The following LRRC8B variants were observed in gnomAD, a reference collection of about 807,000 sequenced individuals.
The protein encoded by LRRC8B is volume-regulated anion channel subunit LRRC8B.
Under a neutral mutation model 58.8 loss-of-function variants are expected in LRRC8B, and 23 were observed. The observed-to-expected ratio is 0.39, with a 90% CI of 0.28 to 0.55. The LOEUF (loss-of-function observed/expected upper bound fraction) is 0.55. Ranked by LOEUF, LRRC8B falls within the 20% of genes least tolerant of loss-of-function variation. The pLI, the probability that LRRC8B is intolerant of heterozygous loss-of-function variation, is 0.62. For missense variants in LRRC8B, 694 were observed against 936.0 expected, an observed-to-expected ratio of 0.74 and a Z score of 3.37; for synonymous variants, 359 against 374.1, an observed-to-expected ratio of 0.96 and a Z score of 0.47.
rs1228663327 is a variant in LRRC8B at position 89,584,465 on chromosome 1, C to T, written c.1815C>T (p.Phe605=). ...CDLERIPHSI[F]SLNNLHELDL... ...TGGAACGCATCCCACATTCCATTTT[C>T]AGCCTGAATAATTTGCATGAGTTAG... Residue 605 remains phenylalanine (F), a synonymous_variant, in exon 5 of 6, where the codon TTC becomes TTT. Coordinates refer to ENST00000330947, the MANE Select transcript of LRRC8B (RefSeq NM_001369817.2). The T allele has an allele frequency of 6.2e-7, 1 of 1,614,066 alleles. No homozygotes were observed. The highest frequency in any genetic ancestry group is 1.3e-5 in the African/African-American group (1 of 74,922).
chr1:89,535,717 A>T (rs1264278105), intron 1 of LRRC8B, among the ~76,000 whole-genome samples: 1 of 152,214 alleles, frequency 6.6e-6, no homozygotes, highest in Non-Finnish European at 1.5e-5. Context: ...TTAGTTAAAG[A>T]TAACCAGCCG....
chr1:89,591,755 T>C (rs1654989583), intron 5 of LRRC8B, among the ~76,000 whole-genome samples: 1 of 152,208 alleles, frequency 6.6e-6, no homozygotes. Flanking sequence ...CGTCAGAGGA[T>C]ATAGGCCAAG....
intron 1 of LRRC8B, among the ~76,000 whole-genome samples, chr1:89,554,347 A>C (rs1324732966): frequency 6.6e-6 from 1 of 152,074 alleles, no homozygotes; most frequent in African/African-American, 2.4e-5. Context: ...AATCTTACGC[A>C]TCTTTCTTGG....
chr1:89,573,472 G>A (rs1048834477), intron 3 of LRRC8B, among the ~76,000 whole-genome samples: 6 of 151,822 alleles, frequency 4.0e-5, no homozygotes, highest in African/African-American at 1.5e-4. Flanking sequence ...GATGACTAGG[G>A]TGATTTTCCT....
intron 5 of LRRC8B, among the ~76,000 whole-genome samples, chr1:89,587,718 C>G (rs2101087272): frequency 6.6e-6 from 1 of 152,266 alleles, no homozygotes; most frequent in Non-Finnish European, 1.5e-5. Flanking sequence ...TCAACAAATA[C>G]TACCTCTTAA....
intron 1 of LRRC8B, among the ~76,000 whole-genome samples, chr1:89,531,873 G>C (rs1650160200): frequency 6.6e-6 from 1 of 152,150 alleles, no homozygotes; most frequent in African/African-American, 2.4e-5. Context: ...TGGTGGTCAG[G>C]TTCGCAGGCA....
rs780430821 is a variant in LRRC8B at position 89,584,654 on chromosome 1, T to A, written c.2004T>A (p.Ile668=). 6.2e-7 allele frequency: 1 copy of A among 1,614,052 alleles called. No individual in the cohort carries two copies. Among genetic ancestry groups the A allele is most frequent in the South Asian group, 1.1e-5 (1 of 91,084 alleles). Residue 668 remains isoleucine (I), a synonymous_variant, in exon 5 of 6, where the codon ATT becomes ATA. Coordinates refer to ENST00000330947, the MANE Select transcript of LRRC8B (RefSeq NM_001369817.2). ...AGCTCTCTTTGGACCATAATAATAT[T>A]GAGAATCTGCCCTTGCAGCTTTTCC... The part of the protein sequence containing the change: ...LEQLSLDHNN[I]ENLPLQLFLC...
intron 3 of LRRC8B, among the ~76,000 whole-genome samples, chr1:89,571,721 A>C (rs967872439): frequency 1.3e-5 from 2 of 151,928 alleles, no homozygotes; most frequent in Non-Finnish European, 2.9e-5. Context: ...CTTCAATACT[A>C]TGTTGAACAG....
chr1:89,570,088 A>G (rs1653339538), intron 3 of LRRC8B, among the ~76,000 whole-genome samples: 1 of 152,128 alleles, frequency 6.6e-6, no homozygotes, highest in East Asian at 1.9e-4. Context: ...TCCATGGTGT[A>G]TATGTACCAC....
rs1655130675 is a variant in LRRC8B at position 89,593,580 on chromosome 1, A to G, written c.*537A>G. 6.6e-6 allele frequency: 1 copy of G among 152,552 alleles called. No homozygotes were observed. The highest frequency in any genetic ancestry group is 6.5e-5 in the Admixed American group (1 of 15,336). 9.4% of individuals were successfully genotyped at this position (152,552 alleles called of 1,614,324 possible). A position where few individuals can be genotyped will look rare whatever the true frequency, so the allele number is the denominator to read the frequency against. On this transcript the variant is annotated 3_prime_UTR_variant, in exon 6 of 6. Coordinates refer to ENST00000330947, the MANE Select transcript of LRRC8B (RefSeq NM_001369817.2). ...TGAATAACTGTTCTTTAACTTATTG[A>G]GATGTTGCAAGAAATGCACATCCAG...
intron 1 of LRRC8B, among the ~76,000 whole-genome samples, chr1:89,551,340 A>T (rs1415335396): frequency 6.6e-6 from 1 of 151,990 alleles, no homozygotes; most frequent in Non-Finnish European, 1.5e-5. Flanking sequence ...TCAGCAGCTA[A>T]TTTTTTTTCT....
At chr1:89,575,385 C>A (rs542727080) in intron 3 of LRRC8B, among the ~76,000 whole-genome samples, 2 of 152,260 alleles carry the variant, frequency 1.3e-5, no homozygotes, top group East Asian at 3.9e-4. Flanking sequence ...ACTCGAAGAG[C>A]CACATGGAGT....
chr1:89,539,515 TCTTTTA>T (rs1363903190), intron 1 of LRRC8B, among the ~76,000 whole-genome samples: 1 of 152,206 alleles, frequency 6.6e-6, no homozygotes, highest in Non-Finnish European at 1.5e-5. Context: ...ATTCCCATCG[TCTTTTA>T]CTTTATCAGT....
intron 1 of LRRC8B, among the ~76,000 whole-genome samples, chr1:89,539,414 C>T (rs184860822): frequency 2.0e-5 from 3 of 152,274 alleles, no homozygotes; most frequent in African/African-American, 4.8e-5. Flanking sequence ...GATTTTCAGG[C>T]GTTGCTTTTT....
intron 1 of LRRC8B, among the ~76,000 whole-genome samples, chr1:89,541,692 CA>C (rs1473114381): frequency 9.1e-6 from 1 of 109,600 alleles, no homozygotes; most frequent in Non-Finnish European, 1.7e-5. Context: ...GCCTGGGCGA[CA>C]GAGGGAGACT....
chr1:89,549,156 C>T (rs1465502546), intron 1 of LRRC8B, among the ~76,000 whole-genome samples: 2 of 152,088 alleles, frequency 1.3e-5, no homozygotes, highest in East Asian at 3.8e-4. Context: ...TGATAAACAA[C>T]ATAAGTATAT....
At chr1:89,560,395 T>A (rs1379012677) in intron 1 of LRRC8B, among the ~76,000 whole-genome samples, 1 of 151,972 alleles carries the variant, frequency 6.6e-6, no homozygotes, top group East Asian at 1.9e-4. Context: ...ATATCTTTTT[T>A]TTTTTAATAC....
At chr1:89,525,433 C>T (rs370264100) in intron 1 of LRRC8B, among the ~76,000 whole-genome samples, 12 of 152,352 alleles carry the variant, frequency 7.9e-5, no homozygotes, top group East Asian at 3.9e-4. Context: ...GAGCGCAACT[C>T]CCCTGAGGGT....
intron 1 of LRRC8B, among the ~76,000 whole-genome samples, chr1:89,539,570 T>C (rs1241354704): frequency 6.6e-6 from 1 of 152,188 alleles, no homozygotes; most frequent in Non-Finnish European, 1.5e-5. Flanking sequence ...GAAGAAAGAC[T>C]AATGGGAGTC....
Sources: allele counts gnomAD v4.1 joint callset (sites outside exome capture counted in the v4.1 genomes callset), GRCh38; gene constraint gnomAD v4.1.1; transcripts MANE v1.5; gene names NCBI Gene and HGNC (gene_info 2026-07-23, HGNC 2026-07-21).